Variants in SPPL3 observed in about 807,000 individuals in gnomAD.
The protein encoded by SPPL3 is signal peptide peptidase like 3, also known as signal peptide peptidase-like 3.
In SPPL3, 5 loss-of-function variants were observed where a neutral mutation model predicts 42.4. That is an observed-to-expected ratio of 0.12 (90% CI 0.06 to 0.25). SPPL3 has a LOEUF of 0.25. SPPL3 is among the 10% of genes least tolerant of loss of function. The pLI is 1.00. For missense variants in SPPL3, 235 were observed against 489.0 expected (o/e 0.48, Z 4.90); for synonymous variants, 195 against 181.8 (o/e 1.07, Z -0.58).
At chr12:120,868,334 GACA>G (rs1872819616) in intron 1 of SPPL3, among the ~76,000 whole-genome samples, 1 of 152,076 alleles carries the variant, frequency 6.6e-6, no homozygotes, top group South Asian at 2.1e-4. Context: ...AGTAATTGAG[GACA>G]ACAAGGTTAA....
chr12:120,901,252 CTTATT>C lies in SPPL3; in HGVS notation c.23+2588_23+2592del, dbSNP rs1873973795. Among the ~76,000 whole-genome samples, 3 of 151,984 alleles carry C rather than the reference CTTATT, an allele frequency of 2.0e-5. No individual in the cohort carries two copies. The South Asian group carries it at 6.2e-4, about 32-fold the overall frequency. On this transcript the variant is annotated intron_variant, in intron 1 of 10. Transcript: ENST00000353487. ...ATATTTAATGCCATGTGTATAGTTC[CTTATT>C]TTATTATATTATTAGTCAGTTGAAT...
intron 1 of SPPL3, among the ~76,000 whole-genome samples, chr12:120,829,516 G>C (rs1871329708): frequency 6.6e-6 from 1 of 152,002 alleles, no homozygotes; most frequent in Admixed American, 6.6e-5. Flanking sequence ...GAATCGCTTG[G>C]ACCTAGGGGG....
At chr12:120,830,185 C>T (rs1258582318) in intron 1 of SPPL3, among the ~76,000 whole-genome samples, 1 of 137,154 alleles carries the variant, frequency 7.3e-6, no homozygotes, top group East Asian at 2.1e-4. Flanking sequence ...GATTTCCTGA[C>T]AGAGTGAACA....
chr12:120,899,610 GC>G (rs1873911994), intron 1 of SPPL3, among the ~76,000 whole-genome samples: 1 of 152,028 alleles, frequency 6.6e-6, no homozygotes, highest in Admixed American at 6.6e-5. Context: ...TAAAAAGATC[GC>G]CGGGCACAGT....
Position 120,767,459 on chromosome 12 carries a change from G to C in SPPL3, c.908C>G (p.Ala303Gly), listed in dbSNP as rs1868954039. The C allele has an allele frequency of 6.2e-7, 1 of 1,613,998 alleles. No homozygotes were observed. The highest frequency in any genetic ancestry group is 8.5e-7 in the Non-Finnish European group (1 of 1,180,040). Reference protein sequence around the residue: ...SGDSCGAPGPANISGRMQKVS... With the variant: ...SGDSCGAPGPGNISGRMQKVS... ...CTTCTGCATGCGCCCGGAGATGTTGGCAGGTCCAGGGGCCCCACAGGAGTC... is the reference window on the plus strand; with the variant it reads ...CTTCTGCATGCGCCCGGAGATGTTGCCAGGTCCAGGGGCCCCACAGGAGTC... The change falls in exon 9 of 11, where the codon GCC (alanine) becomes GGC (glycine). Residue 303 changes from alanine (A) to glycine (G), a missense_variant. Ala to Gly is a moderately conservative substitution (Grantham distance 60, BLOSUM62 0). This residue lies in a region of SPPL3 where 29 missense variants were observed against 16.4 expected (regional missense o/e 1.77). Coordinates refer to ENST00000353487, the MANE Select transcript of SPPL3 (RefSeq NM_139015.5).
At chr12:120,829,094 G>A (rs1871315441) in intron 1 of SPPL3, among the ~76,000 whole-genome samples, 1 of 152,090 alleles carries the variant, frequency 6.6e-6, no homozygotes, top group Non-Finnish European at 1.5e-5. Flanking sequence ...AACAGTGTTT[G>A]AACAACTGGA....
Position 120,903,910 on chromosome 12 carries a change from C to CCGG in SPPL3, c.-46_-44dup, listed in dbSNP as rs1249948608. ...GCTCCGCTGCAGGCTGTGGCCGGGC[C>CCGG]CGGCGGCGGCGGGCTCGCTCGGGCC... On this transcript the variant is annotated 5_prime_UTR_variant, in exon 1 of 11. Transcript: ENST00000353487. 1.6e-5 allele frequency: 21 copies of CCGG among 1,336,140 alleles called. No homozygotes were observed. Among genetic ancestry groups the CCGG allele is most frequent in the East Asian group, 3.1e-5 (1 of 32,060 alleles). The allele number at this position is 1,336,140 out of a possible 1,614,324, so 82.8% of individuals were successfully genotyped here.
At chr12:120,840,936 T>TTTCATTCATTCA (rs3050429) in intron 1 of SPPL3, among the ~76,000 whole-genome samples, 1 of 151,038 alleles carries the variant, frequency 6.6e-6, no homozygotes, top group East Asian at 1.9e-4. Flanking sequence ...TGAGACTCCA[T>TTTCATTCATTCA]TTCATTCATT....
chr12:120,869,515 G>T (rs1872857808), intron 1 of SPPL3, among the ~76,000 whole-genome samples: 1 of 152,172 alleles, frequency 6.6e-6, no homozygotes, highest in Non-Finnish European at 1.5e-5. Context: ...TCCATTAAAT[G>T]CCTGTAACGA....
chr12:120,853,663 C>T (rs1429712744), intron 1 of SPPL3, among the ~76,000 whole-genome samples: 1 of 152,130 alleles, frequency 6.6e-6, no homozygotes, highest in Admixed American at 6.5e-5. Flanking sequence ...GTATCCAAAT[C>T]ACCTGGAGGA....
intron 5 of SPPL3, 58 bp downstream of exon 5, chr12:120,783,616 A>C: frequency 6.8e-7 from 1 of 1,471,910 alleles, no homozygotes; most frequent in Non-Finnish European, 9.3e-7. Flanking sequence ...ATGCTATCAA[A>C]TATGACAGAA....
chr12:120,877,552 G>A lies in SPPL3; in HGVS notation c.23+26293C>T, dbSNP rs560775142. On this transcript the variant is annotated intron_variant, in intron 1 of 10. Coordinates refer to ENST00000353487, the MANE Select transcript of SPPL3 (RefSeq NM_139015.5). ...TCCCAGCACTTTGGGAGGCCGAGGC[G>A]GGTGGATCACCCAAGGTCAGGAGTT... is the stretch of plus-strand genomic sequence containing the variant. Among the ~76,000 whole-genome samples the A allele has an allele frequency of 4.3e-4, 65 of 152,172 alleles. 1 individual carries two copies. Among genetic ancestry groups the A allele is most frequent in the Admixed American group, 3.5e-3 (53 of 15,286 alleles).
intron 2 of SPPL3, among the ~76,000 whole-genome samples, chr12:120,803,291 T>G (rs1261467344): frequency 6.6e-6 from 1 of 152,236 alleles, no homozygotes; most frequent in African/African-American, 2.4e-5. Flanking sequence ...TTGGCCCCAT[T>G]TTATTTTTCC....
chr12:120,806,482 C>A lies in SPPL3; in HGVS notation c.101+4327G>T, dbSNP rs1870495303. Among the ~76,000 whole-genome samples the A allele has an allele frequency of 2.0e-5, 3 of 151,956 alleles. No homozygotes were observed. The South Asian group carries it at 6.2e-4, about 32-fold the overall frequency. ...GATGAAATTAAATTTGTACCTCATG[C>A]CATACATAAAAATTAACTCAAAATG... On this transcript the variant is annotated intron_variant, in intron 2 of 10. Transcript: ENST00000353487.
At chr12:120,827,171 A>G (rs960230389) in intron 1 of SPPL3, among the ~76,000 whole-genome samples, 1 of 151,970 alleles carries the variant, frequency 6.6e-6, no homozygotes, top group Non-Finnish European at 1.5e-5. Flanking sequence ...GGCCACAAAC[A>G]GCCAAACAAA....
At chr12:120,878,339 G>A (rs983976134) in intron 1 of SPPL3, among the ~76,000 whole-genome samples, 5 of 152,074 alleles carry the variant, frequency 3.3e-5, no homozygotes, top group African/African-American at 4.8e-5. Flanking sequence ...GATACTTTAC[G>A]GAACTTGGGA....
chr12:120,886,977 A>G (rs1392258691), intron 1 of SPPL3, among the ~76,000 whole-genome samples: 2 of 142,726 alleles, frequency 1.4e-5, no homozygotes, highest in African/African-American at 4.9e-5. Context: ...CAGTGATATA[A>G]TAATTTTTTT....
chr12:120,870,578 C>T (rs791713), intron 1 of SPPL3, among the ~76,000 whole-genome samples: 37,092 of 151,986 alleles, frequency 0.24, 5,621 homozygotes, highest in Non-Finnish European at 0.35. Flanking sequence ...TGGAAGCAAC[C>T]CATGCCCAGT....
chr12:120,864,214 G>T (rs1187898999), intron 1 of SPPL3, among the ~76,000 whole-genome samples: 1 of 152,092 alleles, frequency 6.6e-6, no homozygotes, highest in Non-Finnish European at 1.5e-5. Context: ...TATTACCACT[G>T]ATCTCATCAC....
Sources: allele counts gnomAD v4.1 joint callset (sites outside exome capture counted in the v4.1 genomes callset), GRCh38; gene constraint gnomAD v4.1.1; regional missense constraint gnomAD v4.1.1; transcripts MANE v1.5; gene names NCBI Gene and HGNC (gene_info 2026-07-23, HGNC 2026-07-21).